Variants in DNAI3 observed in about 807,000 individuals in gnomAD.
The protein encoded by DNAI3 is WD repeat domain 63.
In DNAI3, 83 loss-of-function variants were observed where a neutral mutation model predicts 115.5. The ratio of observed to expected loss-of-function variants is 0.72; its 90% CI spans 0.60 to 0.86. The LOEUF is 0.86. DNAI3 is among the 40% of genes least tolerant of loss of function. The pLI is 0.00. For synonymous variants in DNAI3, 320 were observed against 347.0 expected (o/e 0.92, Z 0.86); for missense variants, 1,004 against 1,075.8 (o/e 0.93, Z 0.93).
chr1:85,063,911 C>G (rs917131991), intron 1 of DNAI3, among the ~76,000 whole-genome samples: 9 of 152,010 alleles, frequency 5.9e-5, no homozygotes, highest in Admixed American at 2.6e-4. Context: ...GGTAACAAAC[C>G]ACAGTAGTAC....
At chr1:85,122,582 C>T (rs1487905716) in intron 18 of DNAI3, among the ~76,000 whole-genome samples, 1 of 152,170 alleles carries the variant, frequency 6.6e-6, no homozygotes, top group East Asian at 1.9e-4. Context: ...GAAGAGGCAG[C>T]TCCTGGGACT....
intron 17 of DNAI3, among the ~76,000 whole-genome samples, chr1:85,118,062 A>G (rs1655885857): frequency 6.6e-6 from 1 of 152,216 alleles, no homozygotes. Context: ...TATGTGGACA[A>G]ATCTGTAAAA....
At position 85,090,143 on chromosome 1, in the gene DNAI3, A is replaced by T. The variant is rs749088591; in HGVS notation, c.768A>T (p.Gln256His). Reference protein sequence around the residue: ...KWTYPKNATTQYYPREFSEEE... With the variant: ...KWTYPKNATTHYYPREFSEEE... ...CATATCCTAAAAATGCTACTACGCA[A>T]TATTATCCAAGAGAATTCTCAGAAG... The change falls in exon 8 of 23, where the codon CAA (glutamine) becomes CAT (histidine). Residue 256 changes from glutamine to histidine, a missense_variant. Gln to His is a conservative substitution (Grantham distance 24, BLOSUM62 0). Around this residue, in one of 3 missense-constraint regions of DNAI3, gnomAD observed 550 missense variants for 568.1 expected, o/e 0.97. Transcript: ENST00000294664. 2.5e-6 allele frequency: 4 copies of T among 1,583,074 alleles called. No homozygotes were observed. Among genetic ancestry groups the T allele is most frequent in the Non-Finnish European group, 3.4e-6 (4 of 1,167,832 alleles).
chr1:85,114,482 A>G (rs1393142017), intron 16 of DNAI3, among the ~76,000 whole-genome samples: 2 of 152,010 alleles, frequency 1.3e-5, no homozygotes, highest in Non-Finnish European at 2.9e-5. Context: ...TTTTTTTCTT[A>G]CCTGATTGCA....
chr1:85,105,477 G>A (rs779999534), intron 14 of DNAI3, among the ~76,000 whole-genome samples: 4 of 147,430 alleles, frequency 2.7e-5, no homozygotes, highest in Admixed American at 6.9e-5. Context: ...TATGAGGTGC[G>A]AGATTGCGCC....
At position 85,066,314 on chromosome 1, in the gene DNAI3, C is replaced by CTTTTTT. The variant is rs57553075; in HGVS notation, c.-15+3849_-15+3854dup. 6.4e-4 allele frequency among the ~76,000 whole-genome samples: 45 copies of CTTTTTT among 70,036 alleles called. 10 individuals carry two copies. Among genetic ancestry groups the CTTTTTT allele is most frequent in the East Asian group, 8.3e-4 (2 of 2,422 alleles). The allele number at this position is 70,036 out of a possible 152,430, so 45.9% of individuals were successfully genotyped here. A position where few individuals can be genotyped will look rare whatever the true frequency, so the allele number is the denominator to read the frequency against. ...TAGACGAATTATCTCTTCTGCTACT[C>CTTTTTT]TTTTTTTTTTTTTTTTTTTTTTTTT... On this transcript the variant is annotated intron_variant, in intron 1 of 22. Transcript: ENST00000294664.
At chr1:85,098,303 G>T (rs917815847) in intron 12 of DNAI3, among the ~76,000 whole-genome samples, 2 of 152,068 alleles carry the variant, frequency 1.3e-5, no homozygotes, top group South Asian at 2.1e-4. Context: ...TTATGGAGTA[G>T]GTCAATAATA....
Position 85,062,355 on chromosome 1 carries a change from T to C in DNAI3, c.-146T>C, listed in dbSNP as rs1429010443. 1 of 152,094 alleles carries C rather than the reference T, an allele frequency of 6.6e-6. No individual in the cohort carries two copies. Among genetic ancestry groups the C allele is most frequent in the African/African-American group, 2.4e-5 (1 of 41,396 alleles). The allele number at this position is 152,094 out of a possible 1,614,324, so 9.4% of individuals were successfully genotyped here. On this transcript the variant is annotated 5_prime_UTR_variant, in exon 1 of 23. Coordinates refer to ENST00000294664, the MANE Select transcript of DNAI3 (RefSeq NM_145172.5). ...TGCGTCCTGGCAACAGTCGGCAGAG[T>C]TGCTGCGGTTTGTGCCCTTGCGATT...
At chr1:85,131,183 A>AGCACTTTGTAATCC (rs1454320011) in intron 22 of DNAI3, among the ~76,000 whole-genome samples, 1 of 152,096 alleles carries the variant, frequency 6.6e-6, no homozygotes, top group Non-Finnish European at 1.5e-5. Flanking sequence ...GCCGTGGCTC[A>AGCACTTTGTAATCC]CACCTGTAAT....
At chr1:85,122,004 C>T (rs959363199) in intron 18 of DNAI3, among the ~76,000 whole-genome samples, 190 bp downstream of exon 18, 1 of 152,164 alleles carries the variant, frequency 6.6e-6, no homozygotes, top group African/African-American at 2.4e-5. Context: ...TGAAAATACA[C>T]ATAAAAATCT....
chr1:85,103,828 A>T (rs1035528325), intron 13 of DNAI3, among the ~76,000 whole-genome samples: 3 of 151,264 alleles, frequency 2.0e-5, no homozygotes, highest in African/African-American at 7.3e-5. Context: ...CTGAGGTTGC[A>T]GTGAGCTGAG....
chr1:85,101,216 C>G (rs185704684), intron 13 of DNAI3, among the ~76,000 whole-genome samples: 2 of 151,338 alleles, frequency 1.3e-5, no homozygotes, highest in African/African-American at 4.9e-5. Context: ...ATCATTATAC[C>G]AGTTTTAAGA....
intron 16 of DNAI3, among the ~76,000 whole-genome samples, chr1:85,111,506 T>C (rs975416676): frequency 3.3e-5 from 5 of 152,242 alleles, no homozygotes; most frequent in African/African-American, 1.2e-4. Flanking sequence ...TACTTTGTGC[T>C]AGGCCCCAGG....
intron 12 of DNAI3, among the ~76,000 whole-genome samples, chr1:85,098,287 G>T (rs1655186774): frequency 6.6e-6 from 1 of 152,162 alleles, no homozygotes. Context: ...ATGTCTCATT[G>T]ATTCTTTATG....
chr1:85,099,047 G>T (rs1214554836), intron 13 of DNAI3, among the ~76,000 whole-genome samples: 2 of 152,182 alleles, frequency 1.3e-5, no homozygotes, highest in Non-Finnish European at 2.9e-5. Flanking sequence ...ATGTAATTTT[G>T]CTGGGCACAA....
At chr1:85,132,615 G>A (rs76081648) in intron 22 of DNAI3, among the ~76,000 whole-genome samples, 7,929 of 151,256 alleles carry the variant, frequency 0.052, 272 homozygotes, top group East Asian at 0.15. Flanking sequence ...GAAGAAGGCC[G>A]GAAAAAGGGA....
chr1:85,117,665 G>T (rs896625564), intron 16 of DNAI3, 64 bp from the exon 17 acceptor site: 22 of 1,590,266 alleles, frequency 1.4e-5, no homozygotes, highest in Non-Finnish European at 1.9e-5. Flanking sequence ...AATGTAAACT[G>T]TCTATATTTT....
chr1:85,067,078 A>G (rs1654122762), intron 1 of DNAI3, among the ~76,000 whole-genome samples: 1 of 152,240 alleles, frequency 6.6e-6, no homozygotes, highest in Non-Finnish European at 1.5e-5. Context: ...GAAATACAAT[A>G]TAAGGTGGCT....
intron 13 of DNAI3, among the ~76,000 whole-genome samples, chr1:85,101,653 G>A (rs777240212): frequency 5.6e-5 from 8 of 142,088 alleles, no homozygotes; most frequent in South Asian, 4.5e-4. Context: ...GTGTGAACCG[G>A]AGAGGCGGAG....
Sources: allele counts gnomAD v4.1 joint callset (sites outside exome capture counted in the v4.1 genomes callset), GRCh38; gene constraint gnomAD v4.1.1; regional missense constraint gnomAD v4.1.1; transcripts MANE v1.5; gene names NCBI Gene and HGNC (gene_info 2026-07-23, HGNC 2026-07-21).